The following FBXO46 variants were observed in gnomAD, a reference collection of about 807,000 sequenced individuals.
The protein encoded by FBXO46 is F-box only protein 46.
FBXO46 carries 13 observed loss-of-function variants against 30.7 expected under a neutral mutation model. The observed-to-expected ratio is 0.42, with a 90% CI of 0.28 to 0.67. The LOEUF is 0.67. Ranked by LOEUF, FBXO46 falls within the 30% of genes least tolerant of loss-of-function variation. The pLI is 0.21. For synonymous variants in FBXO46, 467 were observed against 385.8 expected (o/e 1.21, Z -2.47); for missense variants, 754 against 871.5 (o/e 0.87, Z 1.70).
rs905947726 is a variant in FBXO46 at position 45,712,953 on chromosome 19, C to G, written c.543G>C (p.Gln181His). The G allele has an allele frequency of 2.5e-6, 4 of 1,589,438 alleles. No homozygotes were observed. Among genetic ancestry groups the G allele is most frequent in the African/African-American group, 2.7e-5 (2 of 74,298 alleles). The change falls in exon 2 of 2, where the codon CAG becomes CAC. Residue 181 changes from glutamine (Q) to histidine (H), a missense_variant. By Grantham distance (24) the Gln-to-His change is conservative (BLOSUM62 0). Transcript: ENST00000317683. This position sits in a 1 kb window ranked among gnomAD's most constrained non-coding sequence, Gnocchi z 8.8. ...AGCTCTGCAGGGCCAGGGCTGCCCG[C>G]TGTTCCACCAGGGCCACCATCTCGG... is the stretch of plus-strand genomic sequence containing the variant. ...SVAEMVALVE[Q>H]RAALALQSYP...
intron 1 of FBXO46, among the ~76,000 whole-genome samples, chr19:45,719,279 A>T (rs886507019): frequency 1.3e-5 from 2 of 151,982 alleles, no homozygotes; most frequent in African/African-American, 4.8e-5. Flanking sequence ...AATAAATAAA[A>T]AATAAATAAA....
chr19:45,728,127 G>C (rs1395508690), intron 1 of FBXO46, among the ~76,000 whole-genome samples: 2 of 152,202 alleles, frequency 1.3e-5, no homozygotes, highest in Non-Finnish European at 2.9e-5. Context: ...TTGCCATGTT[G>C]GCCAGGCTGG....
rs1191289704 is a variant in FBXO46, at chr19:45,712,328, C to T, written c.1168G>A (p.Glu390Lys). The part of the protein sequence containing the change: ...FGKDGTKNVK[E>K]ETVCLTVSPE... ...CTGACCGTCAGGCACACAGTCTCCT[C>T]CTTCACGTTCTTGGTGCCGTCCTTG... The change falls in exon 2 of 2, where the codon GAG (glutamate) becomes AAG (lysine). Residue 390 changes from glutamate to lysine, a missense_variant. Glu to Lys is a moderately conservative substitution (Grantham distance 56). This residue lies in a region of FBXO46 where 454 missense variants were observed against 426.5 expected (regional missense o/e 1.06). Coordinates refer to ENST00000317683, the MANE Select transcript of FBXO46 (RefSeq NM_001080469.2). The surrounding 1 kb of genome is among the most constrained non-coding windows in gnomAD (Gnocchi z 8.8). 4 of 1,601,674 alleles carry T rather than the reference C, an allele frequency of 2.5e-6. No homozygotes were observed. The highest frequency in any genetic ancestry group is 3.4e-6 in the Non-Finnish European group (4 of 1,179,644).
intron 1 of FBXO46, among the ~76,000 whole-genome samples, chr19:45,724,336 G>A (rs1008007177): frequency 3.9e-5 from 6 of 152,192 alleles, no homozygotes; most frequent in African/African-American, 7.2e-5. Flanking sequence ...GTGACAAGCA[G>A]GCCAAGCTGG....
chr19:45,726,281 G>A (rs573467702), intron 1 of FBXO46, among the ~76,000 whole-genome samples: 3 of 152,218 alleles, frequency 2.0e-5, no homozygotes, highest in Admixed American at 2.0e-4. Context: ...GGGAAGTTGA[G>A]GCTGCAGTGA....
Position 45,711,025 on chromosome 19 carries a change from T to A in FBXO46, c.*659A>T. 1 of 222,370 alleles carries A rather than the reference T, an allele frequency of 4.5e-6. No individual in the cohort carries two copies. Among genetic ancestry groups the A allele is most frequent in the Non-Finnish European group, 8.5e-6 (1 of 118,118 alleles). 13.8% of individuals were successfully genotyped at this position (222,370 alleles called of 1,614,324 possible). ...GGAGGAGGGTTTTTATACTTCAGCT[T>A]TTTTTTTGTCTGCCCCCCTCTTCCT... On this transcript the variant is annotated 3_prime_UTR_variant, in exon 2 of 2. Transcript: ENST00000317683.
intron 1 of FBXO46, chr19:45,717,368 G>T (rs1177636015): frequency 6.6e-6 from 1 of 152,256 alleles, no homozygotes; most frequent in Non-Finnish European, 1.5e-5. Context: ...CACCGCGCGG[G>T]CAGACTAGCA....
chr19:45,732,920 G>A (rs970405234), upstream of FBXO46, among the ~76,000 whole-genome samples: 5 of 151,710 alleles, frequency 3.3e-5, no homozygotes, highest in African/African-American at 1.2e-4. Context: ...TGCATTAACC[G>A]AGTTCCCGTC....
Position 45,713,235 on chromosome 19 carries a change from G to A in FBXO46, c.261C>T (p.Asp87=). The A allele has an allele frequency of 6.2e-7, 1 of 1,613,962 alleles. No individual in the cohort carries two copies. The highest frequency in any genetic ancestry group is 8.5e-7 in the Non-Finnish European group (1 of 1,179,870). ...AAGDEGRVLL[D]TWYVIKPGNT... ...TCCCGGGCTTGATGACATACCACGT[G>A]TCCAGGAGGACTCGACCCTCATCAC... is the stretch of plus-strand genomic sequence containing the variant. The change falls in exon 2 of 2, where the codon GAC becomes GAT. Residue 87 remains aspartate, a synonymous_variant. Coordinates refer to ENST00000317683, the MANE Select transcript of FBXO46 (RefSeq NM_001080469.2). This position sits in a 1 kb window ranked among gnomAD's most constrained non-coding sequence, Gnocchi z 4.7.
At position 45,713,132 on chromosome 19, in the gene FBXO46, C is replaced by T; in HGVS notation, c.364G>A (p.Gly122Arg). 1 of 1,613,232 alleles carries T rather than the reference C, an allele frequency of 6.2e-7. No individual in the cohort carries two copies. The highest frequency in any genetic ancestry group is 8.5e-7 in the Non-Finnish European group (1 of 1,179,654). The change falls in exon 2 of 2, where the codon GGG becomes AGG. Residue 122 changes from glycine (G) to arginine (R), a missense_variant. Physicochemically the swap from Gly to Arg is moderately radical, Grantham distance 125 (BLOSUM62 -2). Transcript: ENST00000317683. This position sits in a 1 kb window ranked among gnomAD's most constrained non-coding sequence, Gnocchi z 4.7. ...GSRASSMKVKGHWGSDSSKAK... is the reference protein window; with the variant it reads ...GSRASSMKVKRHWGSDSSKAK... ...TTGGAGCTATCGCTGCCCCAGTGCC[C>T]CTTGACCTTCATGGAGCTGGCCCGG... is the stretch of plus-strand genomic sequence containing the variant.
intron 1 of FBXO46, among the ~76,000 whole-genome samples, chr19:45,723,808 C>A (rs535361110): frequency 1.3e-5 from 2 of 151,902 alleles, no homozygotes; most frequent in South Asian, 2.1e-4. Context: ...TACAGGCGTG[C>A]GCCACCACGC....
At chr19:45,727,673 T>A (rs1968256715) in intron 1 of FBXO46, among the ~76,000 whole-genome samples, 1 of 152,134 alleles carries the variant, frequency 6.6e-6, no homozygotes, top group Non-Finnish European at 1.5e-5. Flanking sequence ...AGCCAGTGTT[T>A]TCAACCATAA....
upstream of FBXO46, among the ~76,000 whole-genome samples, chr19:45,732,269 G>A (rs560035572): frequency 5.9e-5 from 9 of 152,058 alleles, no homozygotes; most frequent in Non-Finnish European, 1.0e-4. Flanking sequence ...GACAACCCTG[G>A]TAGGAATTAC....
intron 1 of FBXO46, among the ~76,000 whole-genome samples, chr19:45,725,596 T>C (rs1402775078): frequency 6.6e-6 from 1 of 151,864 alleles, no homozygotes; most frequent in African/African-American, 2.4e-5. Context: ...TAGCCGGGCA[T>C]GGTGGTGTGC....
At chr19:45,716,648 G>C (rs879535437) in intron 1 of FBXO46, 2 of 151,386 alleles carry the variant, frequency 1.3e-5, no homozygotes, top group Non-Finnish European at 2.9e-5. Context: ...AAACACAAAA[G>C]CTCCCTAACA....
chr19:45,713,348 G>T lies in FBXO46; in HGVS notation c.148C>A (p.Pro50Thr). 1.9e-6 allele frequency: 3 copies of T among 1,612,888 alleles called. No homozygotes were observed. Among genetic ancestry groups the T allele is most frequent in the Non-Finnish European group, 2.5e-6 (3 of 1,179,344 alleles). Residue 50 changes from proline (P) to threonine (T), a missense_variant, in exon 2 of 2, where the codon CCT (proline) becomes ACT (threonine). Physicochemically the swap from Pro to Thr is conservative, Grantham distance 38. Around this residue, in one of 5 missense-constraint regions of FBXO46, gnomAD observed 97 missense variants for 113.0 expected, o/e 0.86. Transcript: ENST00000317683. This position sits in a 1 kb window ranked among gnomAD's most constrained non-coding sequence, Gnocchi z 4.7. ...PGGGAEPDHG[P>T]AHSENTPPAL... ...GGTGGTGTGTTCTCTGAGTGGGCAG[G>T]CCCATGGTCTGGCTCGGCCCCGCCA...
chr19:45,727,556 CAA>C (rs146129707), intron 1 of FBXO46, among the ~76,000 whole-genome samples: 28 of 102,166 alleles, frequency 2.7e-4, no homozygotes, highest in Admixed American at 5.2e-4. Context: ...GACTCTGTCT[CAA>C]AAAAAAAAAA....
Position 45,711,987 on chromosome 19 carries a change from G to T in FBXO46, c.1509C>A (p.Phe503Leu). 1.2e-6 allele frequency: 2 copies of T among 1,612,852 alleles called. No individual in the cohort carries two copies. Among genetic ancestry groups the T allele is most frequent in the Non-Finnish European group, 1.7e-6 (2 of 1,179,726 alleles). Residue 503 changes from phenylalanine to leucine, a missense_variant, in exon 2 of 2, where the codon TTC (phenylalanine) becomes TTA (leucine). Phe to Leu is a conservative substitution (Grantham distance 22). Around this residue, in one of 5 missense-constraint regions of FBXO46, gnomAD observed 162 missense variants for 258.7 expected, o/e 0.63. Coordinates refer to ENST00000317683, the MANE Select transcript of FBXO46 (RefSeq NM_001080469.2). The stretch of plus-strand genomic sequence containing the variant: ...CGCCAAACGCCTCGATGATGCCCTT[G>T]AAGTGGTGGCAGGTGCACTTGAGGG... Reference protein sequence around the residue: ...LAALKCTCHHFKGIIEAFGVR... With the variant: ...LAALKCTCHHLKGIIEAFGVR...
Position 45,713,123 on chromosome 19 carries a change from C to T in FBXO46, c.373G>A (p.Gly125Ser), listed in dbSNP as rs1416304429. The T allele has an allele frequency of 1.9e-6, 3 of 1,612,648 alleles. No homozygotes were observed. Among genetic ancestry groups the T allele is most frequent in the African/African-American group, 1.3e-5 (1 of 75,024 alleles). Residue 125 changes from glycine to serine, a missense_variant, in exon 2 of 2, where the codon GGC (glycine) becomes AGC (serine). Gly to Ser is a moderately conservative substitution (Grantham distance 56). Transcript: ENST00000317683. The surrounding 1 kb of genome is among the most constrained non-coding windows in gnomAD (Gnocchi z 4.7). ...ASSMKVKGHWGSDSSKAKRRR... is the reference protein window; with the variant it reads ...ASSMKVKGHWSSDSSKAKRRR... ...CGCTTGGCCTTGGAGCTATCGCTGC[C>T]CCAGTGCCCCTTGACCTTCATGGAG...
Sources: allele counts gnomAD v4.1 joint callset (sites outside exome capture counted in the v4.1 genomes callset), GRCh38; gene constraint gnomAD v4.1.1; regional missense constraint gnomAD v4.1.1; non-coding constraint Gnocchi (gnomAD v3.1); transcripts MANE v1.5; gene names NCBI Gene and HGNC (gene_info 2026-07-23, HGNC 2026-07-21).